GRID2: variants seen among roughly 807,000 people sequenced by gnomAD.
GRID2 encodes the protein glutamate ionotropic receptor delta type subunit 2.
In GRID2, 33 loss-of-function variants were observed where a neutral mutation model predicts 114.8. The ratio of observed to expected loss-of-function variants is 0.29; its 90% confidence interval spans 0.22 to 0.38. The LOEUF (loss-of-function observed/expected upper bound fraction) is 0.38, where lower values mean the gene tolerates loss of function less well. Ranked by LOEUF, GRID2 falls within the 10% of genes least tolerant of loss-of-function variation. GRID2 has a pLI of 1.00. For synonymous variants in GRID2, 505 were observed against 449.9 expected (o/e 1.12, Z -1.55); for missense variants, 1,184 against 1,257.7 (o/e 0.94, Z 0.89).
intron 8 of GRID2, among the ~76,000 whole-genome samples, chr4:93,342,283 G>A (rs1475337877): frequency 6.6e-6 from 1 of 151,982 alleles, no homozygotes; most frequent in Non-Finnish European, 1.5e-5. Flanking sequence ...AACCACCATG[G>A]TCATTTTTTT....
chr4:93,469,075 A>G (rs1216856765), intron 11 of GRID2, among the ~76,000 whole-genome samples: 1 of 152,146 alleles, frequency 6.6e-6, no homozygotes, highest in African/African-American at 2.4e-5. Flanking sequence ...GTTAACAAGT[A>G]AATCAAGAGA....
intron 2 of GRID2, among the ~76,000 whole-genome samples, chr4:92,912,939 A>C (rs1748497114): frequency 6.6e-6 from 1 of 151,850 alleles, no homozygotes; most frequent in Admixed American, 6.6e-5. Context: ...ACCAATTTGG[A>C]ACCTAGAATA....
At chr4:92,945,365 T>C (rs2149545129) in intron 2 of GRID2, among the ~76,000 whole-genome samples, 1 of 152,320 alleles carries the variant, frequency 6.6e-6, no homozygotes, top group Non-Finnish European at 1.5e-5. Context: ...CATTTCAATG[T>C]GTCTTTGTAA....
chr4:93,595,483 A>T (rs13127011), intron 13 of GRID2, among the ~76,000 whole-genome samples: 35 of 152,180 alleles, frequency 2.3e-4, no homozygotes, highest in Non-Finnish European at 4.3e-4. Context: ...TATTTGTAAA[A>T]TGGGAATAAT....
intron 1 of GRID2, among the ~76,000 whole-genome samples, chr4:92,384,537 TATA>T (rs1395893605): frequency 3.2e-4 from 14 of 44,068 alleles, no homozygotes; most frequent in Non-Finnish European, 5.8e-4. Flanking sequence ...TAATATATAA[TATA>T]ATATATAATA....
At chr4:93,439,023 T>A (rs1303469173) in intron 10 of GRID2, among the ~76,000 whole-genome samples, 1 of 152,170 alleles carries the variant, frequency 6.6e-6, no homozygotes, top group African/African-American at 2.4e-5. Flanking sequence ...CATCATTTTT[T>A]ATGGCTGCAT....
intron 11 of GRID2, among the ~76,000 whole-genome samples, chr4:93,462,993 A>G (rs1415740837): frequency 6.6e-6 from 1 of 152,182 alleles, no homozygotes; most frequent in Non-Finnish European, 1.5e-5. Flanking sequence ...TCTTACAGGT[A>G]TTAAATTAAA....
At chr4:93,239,346 T>C (rs920830576) in intron 8 of GRID2, among the ~76,000 whole-genome samples, 15 of 146,712 alleles carry the variant, frequency 1.0e-4, no homozygotes, top group Non-Finnish European at 1.5e-4. Flanking sequence ...TCTATCTATG[T>C]ATCTGTCTAT....
chr4:93,033,406 C>T (rs1211583795), intron 2 of GRID2, among the ~76,000 whole-genome samples: 2 of 152,104 alleles, frequency 1.3e-5, no homozygotes, highest in Non-Finnish European at 2.9e-5. Flanking sequence ...GTTGTCCTCC[C>T]CTCGTGAAGT....
At chr4:92,419,522 T>C (rs1018196478) in intron 1 of GRID2, among the ~76,000 whole-genome samples, 4 of 152,028 alleles carry the variant, frequency 2.6e-5, no homozygotes, top group Admixed American at 6.6e-5. Context: ...TTTTAGAAAA[T>C]GGTAAGAAGC....
chr4:93,659,951 C>T (rs1560872633), intron 14 of GRID2, among the ~76,000 whole-genome samples: 1 of 151,918 alleles, frequency 6.6e-6, no homozygotes, highest in Non-Finnish European at 1.5e-5. Flanking sequence ...TTTCACATGA[C>T]TCATTATTTT....
At chr4:93,558,635 T>C (rs1734573081) in intron 13 of GRID2, among the ~76,000 whole-genome samples, 3 of 152,110 alleles carry the variant, frequency 2.0e-5, no homozygotes, top group Non-Finnish European at 2.9e-5. Context: ...GAAAGACTCA[T>C]AGCCGAATTC....
At chr4:93,115,352 C>T (rs1481355068) in intron 4 of GRID2, among the ~76,000 whole-genome samples, 1 of 148,934 alleles carries the variant, frequency 6.7e-6, no homozygotes, top group African/African-American at 2.5e-5. Context: ...ACCTGAGTTC[C>T]TTTTCATGAG....
chr4:93,486,656 ATGAT>A, intron 11 of GRID2, among the ~76,000 whole-genome samples: 1 of 151,816 alleles, frequency 6.6e-6, no homozygotes, highest in East Asian at 1.9e-4. Flanking sequence ...GCGAATTACA[ATGAT>A]TGATTTTTGA....
rs1734980894 is a variant in GRID2 at position 93,803,775 on chromosome 4, T to C, written c.222-2940T>C. ...AAATATACTACACAAATTTATCATA[T>C]GATTTTATGTGGTTCCTTTTTTAAA... On this transcript the variant is annotated intron_variant, in intron 1 of 1. Transcript: ENST00000637838. 2.6e-5 allele frequency among the ~76,000 whole-genome samples: 4 copies of C among 152,312 alleles called. No homozygotes were observed. In the South Asian group the frequency reaches 8.3e-4, roughly 32 times the overall value.
intron 14 of GRID2, among the ~76,000 whole-genome samples, chr4:93,629,962 T>C (rs1743092622): frequency 6.6e-6 from 1 of 152,076 alleles, no homozygotes; most frequent in African/African-American, 2.4e-5. Context: ...ATACACTGAG[T>C]GGATGAGTCT....
chr4:93,125,678 T>C (rs1488511832), intron 4 of GRID2, among the ~76,000 whole-genome samples: 1 of 152,178 alleles, frequency 6.6e-6, no homozygotes, highest in Non-Finnish European at 1.5e-5. Flanking sequence ...CTAAATATCC[T>C]GTAAAGAACA....
chr4:92,845,571 CT>C (rs1399030307), intron 2 of GRID2, among the ~76,000 whole-genome samples: 1 of 152,040 alleles, frequency 6.6e-6, no homozygotes, highest in Non-Finnish European at 1.5e-5. Flanking sequence ...ATATACCATC[CT>C]GCTCTCTGCC....
chr4:92,824,238 G>C (rs1017524674), intron 2 of GRID2, among the ~76,000 whole-genome samples: 11 of 152,166 alleles, frequency 7.2e-5, no homozygotes, highest in African/African-American at 2.6e-4. Flanking sequence ...ATATCATTAG[G>C]TTCTTATATT....
Sources: allele counts gnomAD v4.1 joint callset (sites outside exome capture counted in the v4.1 genomes callset), GRCh38; gene constraint gnomAD v4.1.1; transcripts MANE v1.5; gene names NCBI Gene and HGNC (gene_info 2026-07-23, HGNC 2026-07-21).